UBASH3A: variants seen among roughly 807,000 people sequenced by gnomAD.
UBASH3A encodes ubiquitin associated and SH3 domain containing A.
UBASH3A carries 63 observed loss-of-function variants against 73.5 expected under a neutral mutation model. The observed-to-expected ratio is 0.86, with a 90% confidence interval of 0.70 to 1.06. The LOEUF (loss-of-function observed/expected upper bound fraction) is 1.06, where lower values mean the gene tolerates loss of function less well. Ranked by LOEUF, UBASH3A falls within the 50% of genes least tolerant of loss-of-function variation. UBASH3A has a pLI of 0.00. For synonymous variants in UBASH3A, 363 were observed against 351.1 expected, an observed-to-expected ratio of 1.03 and a Z score of -0.38; for missense variants, 860 against 859.0, an observed-to-expected ratio of 1.00 and a Z score of -0.02.
intron 11 of UBASH3A, 146 bp from the exon 12 acceptor site, chr21:42,442,306 C>T (rs746953284): frequency 2.0e-5 from 17 of 853,132 alleles, no homozygotes; most frequent in African/African-American, 5.1e-5. Context: ...AATCACAGAA[C>T]GGTATTTGCC....
At chr21:42,436,714 C>T (rs2053633161) in intron 10 of UBASH3A, among the ~76,000 whole-genome samples, 1 of 152,200 alleles carries the variant, frequency 6.6e-6, no homozygotes, top group Non-Finnish European at 1.5e-5. Flanking sequence ...AGCTTTCAGG[C>T]TGTGCAATTT....
At chr21:42,421,946 AG>A (rs2053345616) in intron 7 of UBASH3A, among the ~76,000 whole-genome samples, 1 of 152,224 alleles carries the variant, frequency 6.6e-6, no homozygotes, top group Non-Finnish European at 1.5e-5. Context: ...AAATAATGGA[AG>A]TATTGTCTGA....
intron 2 of UBASH3A, among the ~76,000 whole-genome samples, chr21:42,409,206 C>T (rs559684730): frequency 6.6e-6 from 1 of 152,336 alleles, no homozygotes; most frequent in East Asian, 1.9e-4. Context: ...GAGAGCAGGA[C>T]TTACACTGAC....
At chr21:42,416,637 A>G in intron 6 of UBASH3A, 26 bp downstream of exon 6, 1 of 1,501,058 alleles carries the variant, frequency 6.7e-7, no homozygotes, top group African/African-American at 1.4e-5. Context: ...AGGGGCTCAT[A>G]AGAAGCAGAT....
intron 3 of UBASH3A, among the ~76,000 whole-genome samples, chr21:42,412,700 G>A (rs574875759): frequency 6.6e-6 from 1 of 152,296 alleles, no homozygotes; most frequent in South Asian, 2.1e-4. Context: ...AGTGTGCCAT[G>A]GGACTGAGGA....
chr21:42,435,626 T>TTAGAATCATAGAGTTA (rs1184921777), intron 10 of UBASH3A: 10 of 152,136 alleles, frequency 6.6e-5, no homozygotes, highest in Non-Finnish European at 1.2e-4. Context: ...AGTTATAGAG[T>TTAGAATCATAGAGTTA]TAGAATCATA....
chr21:42,429,536 C>T lies in UBASH3A; in HGVS notation c.1171-2567C>T, dbSNP rs529487471. Among the ~76,000 whole-genome samples, 3 of 152,334 alleles carry T rather than the reference C, an allele frequency of 2.0e-5. No homozygotes were observed. The South Asian group carries it at 6.2e-4, about 32-fold the overall frequency. On this transcript the variant is annotated intron_variant, in intron 8 of 14. Transcript: ENST00000319294. The stretch of plus-strand genomic sequence containing the variant: ...ACTTCAGCCCGCAAGTTGAAAACTT[C>T]AGGGACTTTGTTACTAGGCAGAATG...
chr21:42,425,099 C>T (rs1009012556), intron 7 of UBASH3A, among the ~76,000 whole-genome samples: 3 of 152,140 alleles, frequency 2.0e-5, no homozygotes, highest in Non-Finnish European at 4.4e-5. Flanking sequence ...AACACAGGGA[C>T]GTAGTGATGC....
intron 6 of UBASH3A, 69 bp from the exon 7 acceptor site, chr21:42,418,332 C>A: frequency 7.1e-7 from 1 of 1,413,208 alleles, no homozygotes; most frequent in South Asian, 1.2e-5. Context: ...GGTGATAGGC[C>A]TCCTATTGCT....
chr21:42,419,108 C>T (rs377175488), intron 7 of UBASH3A, among the ~76,000 whole-genome samples: 46 of 152,160 alleles, frequency 3.0e-4, no homozygotes, highest in African/African-American at 1.1e-3. Context: ...AATCAAGGTG[C>T]CTGCCAGGGC....
intron 3 of UBASH3A, among the ~76,000 whole-genome samples, chr21:42,411,318 G>A (rs1300237192): frequency 6.6e-6 from 1 of 150,428 alleles, no homozygotes; most frequent in Non-Finnish European, 1.5e-5. Context: ...TACACACACA[G>A]GAATACACAG....
intron 7 of UBASH3A, among the ~76,000 whole-genome samples, chr21:42,426,398 A>G (rs979356876): frequency 2.0e-5 from 3 of 152,252 alleles, no homozygotes; most frequent in African/African-American, 4.8e-5. Context: ...TTCTAAAAAA[A>G]TACCTTCACA....
At chr21:42,437,904 A>G (rs1027137755) in intron 11 of UBASH3A, among the ~76,000 whole-genome samples, 1 of 152,170 alleles carries the variant, frequency 6.6e-6, no homozygotes, top group Non-Finnish European at 1.5e-5. Context: ...AAACCTTGAG[A>G]GCTGGGAACT....
At chr21:42,431,182 C>G (rs935604350) in intron 8 of UBASH3A, among the ~76,000 whole-genome samples, 6 of 152,252 alleles carry the variant, frequency 3.9e-5, no homozygotes, top group Non-Finnish European at 8.8e-5. Flanking sequence ...AGTCCCTCAA[C>G]TTGATCAGCC....
chr21:42,418,300 G>A, intron 6 of UBASH3A, 101 bp from the exon 7 acceptor site: 2 of 976,886 alleles, frequency 2.0e-6, no homozygotes, highest in East Asian at 2.4e-5. Flanking sequence ...CACATTGGAG[G>A]GGCAGAAAGC....
In UBASH3A at chr21:42,416,434, T is replaced by C. The variant is rs745663064; in HGVS notation, c.668-8T>C. 5.8e-6 allele frequency: 9 copies of C among 1,559,686 alleles called. No homozygotes were observed. Among genetic ancestry groups the C allele is most frequent in the Non-Finnish European group, 6.9e-6 (8 of 1,154,538 alleles). Reference sequence around the variant, plus strand: ...CCTGGCACCCTCTGTGTTTCCCTGATTTCACAGACTGCTCCGTGAAGCCTT... The same window carrying C: ...CCTGGCACCCTCTGTGTTTCCCTGACTTCACAGACTGCTCCGTGAAGCCTT... On this transcript the variant is annotated splice_region_variant and splice_polypyrimidine_tract_variant and intron_variant, in intron 5 of 14. Coordinates refer to ENST00000319294, the MANE Select transcript of UBASH3A (RefSeq NM_018961.4).
chr21:42,429,841 C>G (rs185699365), intron 8 of UBASH3A, among the ~76,000 whole-genome samples: 5 of 152,002 alleles, frequency 3.3e-5, no homozygotes, highest in African/African-American at 1.2e-4. Flanking sequence ...TTGGCCTTAC[C>G]GTATATCCGT....
chr21:42,447,178 G>A lies in UBASH3A; in HGVS notation c.1970G>A (p.Trp657Ter), dbSNP rs200153989. ...GANAAFNWRN[W>*]ISGN ...AACGCAGCATTTAACTGGAGGAACTGGATCTCAGGCAACTGAGAGCCACGG... is the reference window on the plus strand; with the variant it reads ...AACGCAGCATTTAACTGGAGGAACTAGATCTCAGGCAACTGAGAGCCACGG... Residue 657 changes from tryptophan (W) to a stop codon, truncating the protein, a stop_gained, in exon 15 of 15, where the codon TGG becomes TAG. Coordinates refer to ENST00000319294, the MANE Select transcript of UBASH3A (RefSeq NM_018961.4). LOFTEE classifies it high-confidence loss of function. The A allele has an allele frequency of 5.0e-6, 8 of 1,613,900 alleles. No individual in the cohort carries two copies. Among genetic ancestry groups the A allele is most frequent in the African/African-American group, 1.3e-5 (1 of 74,914 alleles).
In UBASH3A at chr21:42,413,416, C is replaced by T; in HGVS notation, c.560C>T (p.Ser187Phe). Reference protein sequence around the residue: ...ATEASLLAGTSVSRFWIFSQV... With the variant: ...ATEASLLAGTFVSRFWIFSQV... Reference sequence around the variant, plus strand: ...TGCACCTGTCCTCACCCAGGCACTTCCGTTTCCCGCTTCTGGATTTTCAGC... The same window carrying T: ...TGCACCTGTCCTCACCCAGGCACTTTCGTTTCCCGCTTCTGGATTTTCAGC... Residue 187 changes from serine (S) to phenylalanine (F), a missense_variant, in exon 5 of 15, where the codon TCC (serine) becomes TTC (phenylalanine). Transcript: ENST00000319294. The surrounding 1 kb of genome is among the most constrained non-coding windows in gnomAD (Gnocchi z 4.5). 1 of 1,613,080 alleles carries T rather than the reference C, an allele frequency of 6.2e-7. No individual in the cohort carries two copies. Among genetic ancestry groups the T allele is most frequent in the Non-Finnish European group, 8.5e-7 (1 of 1,179,680 alleles).
Sources: allele counts gnomAD v4.1 joint callset (sites outside exome capture counted in the v4.1 genomes callset), GRCh38; gene constraint gnomAD v4.1.1; non-coding constraint Gnocchi (gnomAD v3.1); transcripts MANE v1.5; gene names NCBI Gene and HGNC (gene_info 2026-07-23, HGNC 2026-07-21).